Variants in ADAMTS12 observed in about 807,000 individuals in gnomAD.
The protein encoded by ADAMTS12 is ADAM metallopeptidase with thrombospondin type 1 motif 12.
Under a neutral mutation model 167.8 loss-of-function variants are expected in ADAMTS12, and 118 were observed. The observed-to-expected ratio is 0.70, with a 90% CI of 0.61 to 0.82. The LOEUF (loss-of-function observed/expected upper bound fraction) is 0.82, where lower values mean the gene tolerates loss of function less well. ADAMTS12 is among the 40% of genes least tolerant of loss of function. The pLI, the probability that ADAMTS12 is intolerant of heterozygous loss-of-function variation, is 0.00. For missense variants in ADAMTS12, 1,916 were observed against 1,998.8 expected, an observed-to-expected ratio of 0.96 and a Z score of 0.79; for synonymous variants, 704 against 716.9, an observed-to-expected ratio of 0.98 and a Z score of 0.29.
intron 11 of ADAMTS12, 24 bp from the exon 12 acceptor site, chr5:33,637,770 T>C: frequency 1.2e-6 from 2 of 1,609,088 alleles, no homozygotes; most frequent in Non-Finnish European, 1.7e-6. Context: ...AGACAAGCTT[T>C]TCTTTTAGTT....
At chr5:33,716,486 T>C (rs182813520) in intron 3 of ADAMTS12, among the ~76,000 whole-genome samples, 8 of 152,218 alleles carry the variant, frequency 5.3e-5, no homozygotes, top group Admixed American at 5.2e-4. Flanking sequence ...CTTATTGCAG[T>C]TTCTTTTTTA....
rs998645165 is a variant in ADAMTS12, at chr5:33,759,114, T to C, written c.490-7566A>G. Among the ~76,000 whole-genome samples the C allele has an allele frequency of 5.3e-5, 8 of 152,246 alleles. No homozygotes were observed. In the South Asian group the frequency reaches 8.3e-4, roughly 16 times the overall value. On this transcript the variant is annotated intron_variant, in intron 2 of 23. Coordinates refer to ENST00000504830, the MANE Select transcript of ADAMTS12 (RefSeq NM_030955.4). ...AGCTGGAAGCCATGGCCGAGGCTTC[T>C]AATCAAGCCTCCAGCACATCCCAGG...
intron 9 of ADAMTS12, 26 bp downstream of exon 9, chr5:33,648,796 A>G (rs1461958154): frequency 1.9e-6 from 3 of 1,613,742 alleles, no homozygotes; most frequent in Non-Finnish European, 2.5e-6. Context: ...GAAGCCCTGC[A>G]TATAGCCACC....
chr5:33,832,396 G>C (rs1376210356), intron 2 of ADAMTS12, among the ~76,000 whole-genome samples: 1 of 151,464 alleles, frequency 6.6e-6, no homozygotes, highest in African/African-American at 2.4e-5. Flanking sequence ...CATTTTGTGA[G>C]GAAAAAAAAA....
At chr5:33,736,177 C>T (rs769804301) in intron 3 of ADAMTS12, among the ~76,000 whole-genome samples, 21 of 152,038 alleles carry the variant, frequency 1.4e-4, no homozygotes, top group Admixed American at 7.2e-4. Flanking sequence ...ATTCTCCTGC[C>T]TCAGCCTCCC....
At chr5:33,851,521 G>A (rs1251309054) in intron 2 of ADAMTS12, among the ~76,000 whole-genome samples, 1 of 152,208 alleles carries the variant, frequency 6.6e-6, no homozygotes, top group African/African-American at 2.4e-5. Flanking sequence ...ACTAGTAAAA[G>A]AGAGAATCCT....
intron 13 of ADAMTS12, among the ~76,000 whole-genome samples, chr5:33,629,388 A>C (rs1739812545): frequency 6.6e-6 from 1 of 152,208 alleles, no homozygotes; most frequent in Non-Finnish European, 1.5e-5. Flanking sequence ...AAAAAACAAA[A>C]TTTGTTGAGT....
At chr5:33,704,445 C>G (rs951718594) in intron 3 of ADAMTS12, among the ~76,000 whole-genome samples, 1 of 152,018 alleles carries the variant, frequency 6.6e-6, no homozygotes, top group African/African-American at 2.4e-5. Context: ...AGTGTCTGCA[C>G]CAATTTACAT....
intron 2 of ADAMTS12, among the ~76,000 whole-genome samples, chr5:33,816,364 T>TAC (rs1298841805): frequency 6.6e-6 from 1 of 152,172 alleles, no homozygotes; most frequent in Admixed American, 6.5e-5. Context: ...AAATGTACAA[T>TAC]ACTCTGTTAT....
At position 33,571,795 on chromosome 5, in the gene ADAMTS12, T is replaced by C. The variant is rs374033608; in HGVS notation, c.3972+4259A>G. ...AGACACAAAAAACCCTTCAAAAAATTAATGAATCCAGGAGCTGGTTTTTTG... is the reference window on the plus strand; with the variant it reads ...AGACACAAAAAACCCTTCAAAAAATCAATGAATCCAGGAGCTGGTTTTTTG... On this transcript the variant is annotated intron_variant, in intron 19 of 23. Coordinates refer to ENST00000504830, the MANE Select transcript of ADAMTS12 (RefSeq NM_030955.4). Among the ~76,000 whole-genome samples, 15 of 150,434 alleles carry C rather than the reference T, an allele frequency of 1.0e-4. No homozygotes were observed. The South Asian group carries it at 2.6e-3, about 26-fold the overall frequency.
chr5:33,883,128 T>C (rs4049255), intron 1 of ADAMTS12, among the ~76,000 whole-genome samples: 80,683 of 151,868 alleles, frequency 0.53, 23,883 homozygotes, highest in East Asian at 0.83. Context: ...CTGTACCTCC[T>C]AGAATGGCTT....
At chr5:33,712,890 T>C (rs971155907) in intron 3 of ADAMTS12, among the ~76,000 whole-genome samples, 1 of 152,088 alleles carries the variant, frequency 6.6e-6, no homozygotes, top group African/African-American at 2.4e-5. Context: ...AAAAAATCAA[T>C]GGGGTCATGG....
chr5:33,633,045 T>A (rs1740023456), intron 12 of ADAMTS12, among the ~76,000 whole-genome samples: 4 of 151,594 alleles, frequency 2.6e-5, no homozygotes, highest in African/African-American at 9.7e-5. Flanking sequence ...ACTGGCAAAT[T>A]ATGGTTCTAT....
Position 33,878,279 on chromosome 5 carries a change from CTT to C in ADAMTS12, c.489+2838_489+2839del, listed in dbSNP as rs59487114. 3.9e-4 allele frequency among the ~76,000 whole-genome samples: 58 copies of C among 149,062 alleles called. 1 individual carries two copies. Among genetic ancestry groups the C allele is most frequent in the African/African-American group, 1.1e-3 (45 of 41,048 alleles). On this transcript the variant is annotated intron_variant, in intron 2 of 23. Transcript: ENST00000504830. ...AAGAAACTCATTTGGCTTTGGGTGC[CTT>C]TTTTTTTTTATAACCATCCATTAAA...
intron 5 of ADAMTS12, among the ~76,000 whole-genome samples, chr5:33,672,263 C>T (rs1314800350): frequency 6.7e-6 from 1 of 149,444 alleles, no homozygotes; most frequent in Non-Finnish European, 1.5e-5. Flanking sequence ...CTCACATACA[C>T]AGCCCCACAC....
intron 5 of ADAMTS12, among the ~76,000 whole-genome samples, chr5:33,676,092 C>T (rs1424143766): frequency 9.2e-5 from 14 of 152,052 alleles, no homozygotes; most frequent in Non-Finnish European, 2.9e-5. Flanking sequence ...TCAAGCTAAT[C>T]CAATTCACTT....
At chr5:33,582,866 T>C (rs1180518132) in intron 18 of ADAMTS12, among the ~76,000 whole-genome samples, 1 of 152,232 alleles carries the variant, frequency 6.6e-6, no homozygotes, top group Non-Finnish European at 1.5e-5. Flanking sequence ...TATGGGTACA[T>C]AGTAGGTGTA....
chr5:33,741,144 C>A (rs1047412107), intron 3 of ADAMTS12, among the ~76,000 whole-genome samples: 34 of 152,238 alleles, frequency 2.2e-4, no homozygotes, highest in African/African-American at 7.9e-4. Context: ...CCTGGGTTGG[C>A]AGAAGGAAAG....
At chr5:33,809,281 A>G (rs1465827417) in intron 2 of ADAMTS12, among the ~76,000 whole-genome samples, 1 of 152,148 alleles carries the variant, frequency 6.6e-6, no homozygotes, top group Non-Finnish European at 1.5e-5. Context: ...CGGTCCTTGG[A>G]CCACAGTTTG....
Sources: gnomAD v4.1 joint callset for allele counts (sites outside exome capture counted in the v4.1 genomes callset) on GRCh38, gnomAD v4.1.1 for gene constraint, MANE v1.5 for transcripts, NCBI Gene and HGNC (gene_info 2026-07-23, HGNC 2026-07-21) for gene names.